The following ASB4 variants were observed in gnomAD, a reference collection of about 807,000 sequenced individuals.
ASB4 encodes the protein ankyrin repeat and SOCS box protein 4.
ASB4 carries 35 observed loss-of-function variants against 38.6 expected under a neutral mutation model. The observed-to-expected ratio is 0.91, with a 90% CI of 0.69 to 1.20. The LOEUF is 1.20. Among genes scored for constraint, ASB4 ranks in the 50% most tolerant of loss-of-function variants. The probability of loss-of-function intolerance (pLI) is 0.00; values close to 1 mark genes in which losing one functional copy is unlikely to be tolerated. For synonymous variants in ASB4, 195 were observed against 201.3 expected, an observed-to-expected ratio of 0.97 and a Z score of 0.26; for missense variants, 557 against 527.2, an observed-to-expected ratio of 1.06 and a Z score of -0.55.
Position 95,537,833 on chromosome 7 carries a change from A to C in ASB4, c.*74A>C. 7.5e-7 allele frequency: 1 copy of C among 1,325,892 alleles called. No homozygotes were observed. Among genetic ancestry groups the C allele is most frequent in the Non-Finnish European group, 1.1e-6 (1 of 950,242 alleles). 82.1% of individuals were successfully genotyped at this position (1,325,892 alleles called of 1,614,324 possible). A position where few individuals can be genotyped will look rare whatever the true frequency, so the allele number is the denominator to read the frequency against. Reference sequence around the variant, plus strand: ...TGGGTAGACACAGTTTGCCTAAATAAAATGGTACTTGGGTTGATTATAACA... The same window carrying C: ...TGGGTAGACACAGTTTGCCTAAATACAATGGTACTTGGGTTGATTATAACA... On this transcript the variant is annotated 3_prime_UTR_variant, in exon 5 of 5. Transcript: ENST00000325885.
intron 2 of ASB4, among the ~76,000 whole-genome samples, chr7:95,526,355 C>G (rs1790736146): frequency 6.6e-6 from 1 of 152,100 alleles, no homozygotes. Context: ...CACAGCAGCT[C>G]CCCCCAGCAC....
intron 2 of ASB4, among the ~76,000 whole-genome samples, chr7:95,518,322 A>G (rs1453641652): frequency 6.6e-6 from 1 of 152,240 alleles, no homozygotes; most frequent in Admixed American, 6.5e-5. Context: ...TCCATGAGGA[A>G]TTTTTAAAGT....
At chr7:95,510,585 T>A (rs1790465976) in intron 2 of ASB4, among the ~76,000 whole-genome samples, 1 of 152,212 alleles carries the variant, frequency 6.6e-6, no homozygotes, top group Non-Finnish European at 1.5e-5. Context: ...AAACACTAAT[T>A]GTTTTGGTCT....
downstream of ASB4, among the ~76,000 whole-genome samples, chr7:95,540,482 G>A (rs1353171556): frequency 6.6e-6 from 1 of 152,178 alleles, no homozygotes; most frequent in East Asian, 1.9e-4. Context: ...TAAAGAAATT[G>A]TACTGAATCA....
downstream of ASB4, chr7:95,544,317 G>A (rs995575801): frequency 2.6e-4 from 40 of 152,286 alleles, no homozygotes; most frequent in East Asian, 7.7e-4. Flanking sequence ...AAGCACTGAC[G>A]TCATTACAGT....
Position 95,539,466 on chromosome 7 carries a change from G to A in ASB4, c.*1707G>A, listed in dbSNP as rs765187745. ...AAAACAAGATCTATATCATGGAATAGAATGCTGAATTTGTATGAATTATTC... is the reference window on the plus strand; with the variant it reads ...AAAACAAGATCTATATCATGGAATAAAATGCTGAATTTGTATGAATTATTC... On this transcript the variant is annotated 3_prime_UTR_variant, in exon 5 of 5. Coordinates refer to ENST00000325885, the MANE Select transcript of ASB4 (RefSeq NM_016116.3). The A allele has an allele frequency of 6.6e-6, 1 of 152,194 alleles. No individual in the cohort carries two copies. The highest frequency in any genetic ancestry group is 2.4e-5 in the African/African-American group (1 of 41,450). 9.4% of individuals were successfully genotyped at this position (152,194 alleles called of 1,614,324 possible). A position where few individuals can be genotyped will look rare whatever the true frequency, so the allele number is the denominator to read the frequency against.
intron 3 of ASB4, chr7:95,528,558 C>T: frequency 2.1e-6 from 3 of 1,416,906 alleles, no homozygotes; most frequent in Non-Finnish European, 2.8e-6. Flanking sequence ...GTGTGAACAC[C>T]AGTGCACTGG....
At chr7:95,522,823 C>T (rs1397551551) in intron 2 of ASB4, among the ~76,000 whole-genome samples, 1 of 152,200 alleles carries the variant, frequency 6.6e-6, no homozygotes, top group Non-Finnish European at 1.5e-5. Flanking sequence ...ATTCCCTCTT[C>T]TTTATCATGC....
chr7:95,499,626 A>G (rs911513095), intron 2 of ASB4, among the ~76,000 whole-genome samples: 1 of 152,170 alleles, frequency 6.6e-6, no homozygotes, highest in Non-Finnish European at 1.5e-5. Flanking sequence ...CCACAGGTAA[A>G]CAATTGGTAA....
At chr7:95,510,307 T>G (rs1347205661) in intron 2 of ASB4, among the ~76,000 whole-genome samples, 4 of 152,204 alleles carry the variant, frequency 2.6e-5, no homozygotes, top group Admixed American at 2.6e-4. Context: ...AAACTGATCC[T>G]TTCCTTTTAA....
At chr7:95,482,502 C>T (rs116318239), upstream of ASB4, among the ~76,000 whole-genome samples, 2,611 of 152,288 alleles carry the variant, frequency 0.017, 67 homozygotes, top group African/African-American at 0.058. Flanking sequence ...CTTTAAGTCT[C>T]AATGCAGACA....
At chr7:95,507,760 C>G (rs1790429828) in intron 2 of ASB4, among the ~76,000 whole-genome samples, 1 of 152,148 alleles carries the variant, frequency 6.6e-6, no homozygotes, top group South Asian at 2.1e-4. Flanking sequence ...AAATCATGCT[C>G]AGTTGTACAC....
At chr7:95,476,563 G>T (rs190941240), upstream of ASB4, among the ~76,000 whole-genome samples, 1 of 152,300 alleles carries the variant, frequency 6.6e-6, no homozygotes, top group Non-Finnish European at 1.5e-5. Flanking sequence ...GCTGGGAAAC[G>T]GGAACAATAT....
chr7:95,513,608 A>T (rs778924598), intron 2 of ASB4, among the ~76,000 whole-genome samples: 5 of 152,124 alleles, frequency 3.3e-5, no homozygotes, highest in Non-Finnish European at 7.4e-5. Flanking sequence ...AAACAACATC[A>T]CAGAAACATC....
At chr7:95,540,814 T>C (rs1790960833), downstream of ASB4, among the ~76,000 whole-genome samples, 1 of 152,214 alleles carries the variant, frequency 6.6e-6, no homozygotes, top group African/African-American at 2.4e-5. Flanking sequence ...TGTCCTTCCA[T>C]TCTAAACCCA....
At chr7:95,513,118 A>G (rs996544557) in intron 2 of ASB4, among the ~76,000 whole-genome samples, 1 of 152,086 alleles carries the variant, frequency 6.6e-6, no homozygotes, top group Non-Finnish European at 1.5e-5. Context: ...AGCTTTGAAG[A>G]TGGAGGAAGG....
downstream of ASB4, among the ~76,000 whole-genome samples, chr7:95,541,315 G>A (rs1387277603): frequency 1.3e-5 from 2 of 152,166 alleles, no homozygotes; most frequent in Non-Finnish European, 2.9e-5. Context: ...AACATGTAGA[G>A]CAGACCATGA....
At chr7:95,482,046 G>C (rs1168672882), upstream of ASB4, among the ~76,000 whole-genome samples, 2 of 152,172 alleles carry the variant, frequency 1.3e-5, no homozygotes, top group African/African-American at 4.8e-5. Flanking sequence ...AGCATTGGTG[G>C]CATTGCTTCC....
intron 3 of ASB4, among the ~76,000 whole-genome samples, chr7:95,535,146 AT>A (rs1391757116): frequency 1.3e-5 from 2 of 152,180 alleles, no homozygotes; most frequent in East Asian, 3.8e-4. Flanking sequence ...TTTATCTGTG[AT>A]CCCAAGACAT....
Sources: gnomAD v4.1 joint callset for allele counts (sites outside exome capture counted in the v4.1 genomes callset) on GRCh38, gnomAD v4.1.1 for gene constraint, MANE v1.5 for transcripts, NCBI Gene and HGNC (gene_info 2026-07-23, HGNC 2026-07-21) for gene names.